Variants in GDPD5 observed in about 807,000 individuals in gnomAD.
GDPD5 encodes the protein glycerophosphodiester phosphodiesterase domain containing 5, also known as glycerophosphodiester phosphodiesterase 2.
In GDPD5, 48 loss-of-function variants were observed where a neutral mutation model predicts 75.1. The observed-to-expected ratio is 0.64, with a 90% CI of 0.51 to 0.81. GDPD5 has a LOEUF of 0.81. Among genes scored for constraint, GDPD5 ranks in the 40% least tolerant of loss-of-function variants. The probability of loss-of-function intolerance (pLI) is 0.00; values close to 1 mark genes in which losing one functional copy is unlikely to be tolerated. For missense variants in GDPD5, 706 were observed against 822.6 expected (o/e 0.86, Z 1.73); for synonymous variants, 336 against 339.0 (o/e 0.99, Z 0.10).
intron 2 of GDPD5, among the ~76,000 whole-genome samples, chr11:75,481,477 G>A (rs1285823656): frequency 6.6e-6 from 1 of 152,192 alleles, no homozygotes; most frequent in African/African-American, 2.4e-5. Flanking sequence ...GAGGCCTGTG[G>A]ACTATGGTGC....
chr11:75,447,220 C>T (rs1273078323), intron 9 of GDPD5, among the ~76,000 whole-genome samples: 3 of 152,160 alleles, frequency 2.0e-5, no homozygotes, highest in South Asian at 2.1e-4. Flanking sequence ...TCAGGAGACA[C>T]GCCAACCAGA....
chr11:75,482,566 C>T (rs1045896218), intron 2 of GDPD5, among the ~76,000 whole-genome samples: 4 of 152,190 alleles, frequency 2.6e-5, no homozygotes, highest in Non-Finnish European at 5.9e-5. Flanking sequence ...GGCCTCATCT[C>T]CCCTGGCTGG....
rs1481703251 is a variant in GDPD5, at chr11:75,502,464, A to AT, written c.-144-12145dup. Among the ~76,000 whole-genome samples the AT allele has an allele frequency of 3.3e-5, 5 of 152,322 alleles. No homozygotes were observed. The South Asian group carries it at 8.3e-4, about 25-fold the overall frequency. Reference sequence around the variant, plus strand: ...GGCTTTATCTAGCTACCATTTATATATGATGCCTAGGCATTGTTCTAGGCA... The same window carrying AT: ...GGCTTTATCTAGCTACCATTTATATATTGATGCCTAGGCATTGTTCTAGGCA... On this transcript the variant is annotated intron_variant, in intron 1 of 16. Transcript: ENST00000336898.
intron 14 of GDPD5, among the ~76,000 whole-genome samples, chr11:75,440,738 TA>T (rs974960287): frequency 6.6e-6 from 1 of 152,002 alleles, no homozygotes; most frequent in Non-Finnish European, 1.5e-5. Flanking sequence ...TAATTATTAT[TA>T]TTTTTTTTTG....
chr11:75,493,688 G>C (rs779976810), intron 1 of GDPD5, among the ~76,000 whole-genome samples: 12 of 152,166 alleles, frequency 7.9e-5, no homozygotes, highest in Middle Eastern at 3.4e-3. Flanking sequence ...AGCAGGGGGG[G>C]GCCTAAGTGG....
At chr11:75,497,859 G>A (rs1284053185) in intron 1 of GDPD5, among the ~76,000 whole-genome samples, 5 of 152,160 alleles carry the variant, frequency 3.3e-5, no homozygotes, top group African/African-American at 1.2e-4. Context: ...GGCCCTCTCT[G>A]CTCTTTTGCT....
At chr11:75,504,237 G>C (rs77523381) in intron 1 of GDPD5, among the ~76,000 whole-genome samples, 2,084 of 152,356 alleles carry the variant, frequency 0.014, 47 homozygotes, top group African/African-American at 0.048. Flanking sequence ...CTGCAAGTCT[G>C]CTGTACGCCA....
chr11:75,442,132 G>A (rs755090880), intron 12 of GDPD5, among the ~76,000 whole-genome samples: 1 of 152,152 alleles, frequency 6.6e-6, no homozygotes, highest in Non-Finnish European at 1.5e-5. Flanking sequence ...CAAACGACAG[G>A]GCAACACTTC....
chr11:75,463,732 T>C (rs937156539), intron 3 of GDPD5, among the ~76,000 whole-genome samples: 7 of 152,182 alleles, frequency 4.6e-5, no homozygotes, highest in Admixed American at 4.6e-4. Context: ...CTCCCTGCTA[T>C]GTTTCTAAAC....
intron 2 of GDPD5, 191 bp from the exon 3 acceptor site, chr11:75,477,986 G>A (rs961737572): frequency 5.7e-6 from 2 of 352,536 alleles, no homozygotes; most frequent in Non-Finnish European, 1.0e-5. Flanking sequence ...TCCCACCCAG[G>A]CCCTCATCCT....
chr11:75,522,057 C>T (rs1463697428), intron 1 of GDPD5, among the ~76,000 whole-genome samples: 1 of 152,262 alleles, frequency 6.6e-6, no homozygotes, highest in African/African-American at 2.4e-5. Context: ...ACTAACCCCA[C>T]CAAGCCATCC....
At chr11:75,517,081 A>G (rs769667371) in intron 1 of GDPD5, among the ~76,000 whole-genome samples, 14 of 152,158 alleles carry the variant, frequency 9.2e-5, no homozygotes, top group Non-Finnish European at 1.9e-4. Context: ...CAGAGGATTG[A>G]GGTCTGTGGT....
chr11:75,442,669 C>G (rs1316752930), intron 11 of GDPD5, 88 bp from the exon 12 acceptor site: 2 of 1,186,618 alleles, frequency 1.7e-6, no homozygotes, highest in East Asian at 2.4e-5. Flanking sequence ...CGTGGAGACC[C>G]CTGGGCTGCC....
chr11:75,508,025 G>A (rs1950440709), intron 1 of GDPD5: 1 of 151,952 alleles, frequency 6.6e-6, no homozygotes, highest in Admixed American at 6.6e-5. Context: ...CTCACAATGA[G>A]CCTGAGAATT....
At chr11:75,503,644 G>A (rs536678274) in intron 1 of GDPD5, among the ~76,000 whole-genome samples, 1 of 152,358 alleles carries the variant, frequency 6.6e-6, no homozygotes, top group South Asian at 2.1e-4. Context: ...ATAGGCAAAT[G>A]AATGAATGAA....
chr11:75,462,196 G>A (rs948772131), intron 4 of GDPD5, among the ~76,000 whole-genome samples: 2 of 152,200 alleles, frequency 1.3e-5, no homozygotes, highest in East Asian at 1.9e-4. Context: ...GCCCTGCCCC[G>A]GTTGAGCCCT....
At position 75,435,606 on chromosome 11, in the gene GDPD5, G is replaced by A; in HGVS notation, c.1719C>T (p.Asp573=). Residue 573 remains aspartate (D), a synonymous_variant, in exon 17 of 17, where the codon GAC becomes GAT. Coordinates refer to ENST00000336898, the MANE Select transcript of GDPD5 (RefSeq NM_030792.8). ...EVSDVLSVCS[D]NSYDTYANST... is the part of the protein sequence containing the mutation. Reference sequence around the variant, plus strand: ...TGTTGGCATATGTGTCATAACTGTTGTCTGAACATACGGAGAGCACATCGG... The same window carrying A: ...TGTTGGCATATGTGTCATAACTGTTATCTGAACATACGGAGAGCACATCGG... The A allele has an allele frequency of 6.2e-7, 1 of 1,613,716 alleles. No individual in the cohort carries two copies. The highest frequency in any genetic ancestry group is 1.1e-5 in the South Asian group (1 of 91,066).
intron 3 of GDPD5, among the ~76,000 whole-genome samples, chr11:75,466,443 A>C (rs1158619321): frequency 1.3e-5 from 2 of 152,140 alleles, no homozygotes; most frequent in Non-Finnish European, 2.9e-5. Flanking sequence ...CAATAGCACT[A>C]ATGGTCCTTG....
At chr11:75,473,236 AG>A (rs1224790226) in intron 3 of GDPD5, among the ~76,000 whole-genome samples, 2 of 151,950 alleles carry the variant, frequency 1.3e-5, no homozygotes, top group Non-Finnish European at 2.9e-5. Context: ...AACTGGGGTT[AG>A]GGAGGCTTAT....
Sources: gnomAD v4.1 joint callset for allele counts (sites outside exome capture counted in the v4.1 genomes callset) on GRCh38, gnomAD v4.1.1 for gene constraint, MANE v1.5 for transcripts, NCBI Gene and HGNC (gene_info 2026-07-23, HGNC 2026-07-21) for gene names.